Variants in GLB1 observed in about 807,000 individuals in gnomAD.
The protein encoded by GLB1 is beta-galactosidase.
Under a neutral mutation model 74.0 loss-of-function variants are expected in GLB1, and 56 were observed. The ratio of observed to expected loss-of-function variants is 0.76; its 90% CI spans 0.61 to 0.94. GLB1 has a LOEUF of 0.94. Ranked by LOEUF, GLB1 falls within the 40% of genes least tolerant of loss-of-function variation. The probability of loss-of-function intolerance (pLI) is 0.00; values close to 1 mark genes in which losing one functional copy is unlikely to be tolerated. For missense variants in GLB1, 787 were observed against 845.5 expected (o/e 0.93, Z 0.86); for synonymous variants, 323 against 323.6 (o/e 1.00, Z 0.02).
chr3:33,088,101 G>C (rs1192327567), intron 1 of GLB1, among the ~76,000 whole-genome samples: 2 of 151,872 alleles, frequency 1.3e-5, no homozygotes, highest in Non-Finnish European at 2.9e-5. Flanking sequence ...ATGCAAAATA[G>C]AAGAAAACTA....
chr3:33,067,948 C>A (rs929273105), intron 4 of GLB1, among the ~76,000 whole-genome samples: 1 of 152,166 alleles, frequency 6.6e-6, no homozygotes, highest in Non-Finnish European at 1.5e-5. Context: ...TGCATTGATA[C>A]GATCTCGGTT....
At chr3:33,037,925 G>A (rs1337112284) in intron 10 of GLB1, 2 of 146,266 alleles carry the variant, frequency 1.4e-5, no homozygotes, top group Non-Finnish European at 3.0e-5. Flanking sequence ...CTTGCCCACT[G>A]AGTACTGGAG....
At chr3:32,988,764 A>G in the GLB1 span, among the ~76,000 whole-genome samples, 3 of 152,322 alleles carry the variant, frequency 2.0e-5, no homozygotes, top group Admixed American at 2.0e-4. Context: ...TCTTCCTGTT[A>G]TCAGCCTATC....
the GLB1 span, among the ~76,000 whole-genome samples, chr3:32,978,744 C>CTTT: frequency 7.0e-4 from 101 of 144,026 alleles, no homozygotes; most frequent in African/African-American, 2.5e-3. Context: ...CCCTGGTTTT[C>CTTT]TTTTTTTTCT....
At chr3:32,983,282 T>C in the GLB1 span, among the ~76,000 whole-genome samples, 1 of 152,186 alleles carries the variant, frequency 6.6e-6, no homozygotes, top group African/African-American at 2.4e-5. Flanking sequence ...AACCTTTCTT[T>C]CATGTTTTCC....
At chr3:32,985,085 A>C in the GLB1 span, among the ~76,000 whole-genome samples, 8 of 143,354 alleles carry the variant, frequency 5.6e-5, no homozygotes, top group African/African-American at 2.1e-4. Flanking sequence ...AGCCTGGGTG[A>C]CGGAGTGAAA....
chr3:33,007,887 G>A (rs1306868129), intron 15 of GLB1, among the ~76,000 whole-genome samples: 1 of 152,162 alleles, frequency 6.6e-6, no homozygotes, highest in Non-Finnish European at 1.5e-5. Context: ...TTTCACATGG[G>A]CCTTCAAGAC....
At chr3:32,977,579 CA>C in the GLB1 span, among the ~76,000 whole-genome samples, 1 of 152,128 alleles carries the variant, frequency 6.6e-6, no homozygotes, top group Non-Finnish European at 1.5e-5. Context: ...TGAAAGGAAA[CA>C]TGTAGACTCC....
chr3:33,055,671 G>A (rs1324445065), intron 6 of GLB1, among the ~76,000 whole-genome samples: 1 of 151,102 alleles, frequency 6.6e-6, no homozygotes, highest in African/African-American at 2.4e-5. Flanking sequence ...GTTTCACCAT[G>A]TTGGCCAGGC....
intron 5 of GLB1, among the ~76,000 whole-genome samples, chr3:33,062,141 A>G (rs1457460766): frequency 6.6e-6 from 1 of 152,198 alleles, no homozygotes; most frequent in African/African-American, 2.4e-5. Flanking sequence ...GAATTAAGAC[A>G]GAGACAGAAA....
intron 1 of GLB1, among the ~76,000 whole-genome samples, chr3:33,095,361 C>T (rs1700977987): frequency 1.3e-5 from 2 of 149,034 alleles, no homozygotes; most frequent in Non-Finnish European, 3.0e-5. Context: ...ACTAAAAATA[C>T]AAAAAAAGAA....
intron 1 of GLB1, chr3:33,091,012 ATAACACG>A: frequency 4.1e-6 from 4 of 985,452 alleles, no homozygotes; most frequent in Non-Finnish European, 4.8e-6. Context: ...AACCAGTGAA[ATAACACG>A]TAACAGGTGA....
At chr3:32,998,923 T>C (rs190684495) in intron 15 of GLB1, among the ~76,000 whole-genome samples, 2 of 152,348 alleles carry the variant, frequency 1.3e-5, no homozygotes, top group African/African-American at 4.8e-5. Context: ...CTGAATTTCC[T>C]ACCTGAGTTC....
At chr3:33,018,110 C>T (rs953940807) in intron 13 of GLB1, among the ~76,000 whole-genome samples, 2 of 151,518 alleles carry the variant, frequency 1.3e-5, no homozygotes, top group African/African-American at 4.9e-5. Flanking sequence ...ATAGTGGGAC[C>T]CTGTCTCTAC....
intron 9 of GLB1, among the ~76,000 whole-genome samples, chr3:33,050,526 A>G (rs1698931867): frequency 6.6e-6 from 1 of 152,260 alleles, no homozygotes; most frequent in Non-Finnish European, 1.5e-5. Flanking sequence ...GCTAAATGAA[A>G]GAAGTCATAC....
At chr3:33,007,935 C>G (rs779126148) in intron 15 of GLB1, among the ~76,000 whole-genome samples, 1 of 152,222 alleles carries the variant, frequency 6.6e-6, no homozygotes, top group South Asian at 2.1e-4. Flanking sequence ...CTGAGCACTT[C>G]TGTACCTCGT....
intron 13 of GLB1, 147 bp from the exon 14 acceptor site, chr3:33,016,987 C>T (rs1697260503): frequency 7.4e-7 from 1 of 1,355,484 alleles, no homozygotes; most frequent in Admixed American, 2.5e-5. Context: ...CATCTTAGCC[C>T]AAGTTACCGG....
At chr3:32,996,378 ATC>A (rs1295965195), downstream of GLB1, among the ~76,000 whole-genome samples, 1 of 152,190 alleles carries the variant, frequency 6.6e-6, no homozygotes, top group Non-Finnish European at 1.5e-5. Flanking sequence ...ATTTAAGGTA[ATC>A]TGTTTTTTCA....
chr3:32,982,470 A>C, the GLB1 span, among the ~76,000 whole-genome samples: 4 of 118,606 alleles, frequency 3.4e-5, no homozygotes, highest in African/African-American at 1.6e-4. Context: ...AGACATTACC[A>C]AAACAAAAAC....
Sources: gnomAD v4.1 joint callset for allele counts (sites outside exome capture counted in the v4.1 genomes callset) on GRCh38, gnomAD v4.1.1 for gene constraint, MANE v1.5 for transcripts, NCBI Gene and HGNC (gene_info 2026-07-23, HGNC 2026-07-21) for gene names.